SDC2: variants seen among roughly 807,000 people sequenced by gnomAD.
SDC2 encodes the protein syndecan 2.
In SDC2, 13 loss-of-function variants were observed where a neutral mutation model predicts 22.2. That is an observed-to-expected ratio of 0.59 (90% confidence interval 0.38 to 0.93). The LOEUF (loss-of-function observed/expected upper bound fraction) is 0.93, where lower values mean the gene tolerates loss of function less well. Ranked by LOEUF, SDC2 falls within the 40% of genes least tolerant of loss-of-function variation. SDC2 has a pLI of 0.00. For missense variants in SDC2, 235 were observed against 246.8 expected, an observed-to-expected ratio of 0.95 and a Z score of 0.32; for synonymous variants, 94 against 92.8, an observed-to-expected ratio of 1.01 and a Z score of -0.07.
chr8:96,601,640 C>CAAAAA (rs749025894), intron 2 of SDC2, among the ~76,000 whole-genome samples: 2 of 66,694 alleles, frequency 3.0e-5, no homozygotes, highest in East Asian at 3.8e-4. Flanking sequence ...ACTCCATCTC[C>CAAAAA]AAAAAAAAAA....
chr8:96,540,654 A>C (rs1397777618), intron 1 of SDC2, among the ~76,000 whole-genome samples: 1 of 152,092 alleles, frequency 6.6e-6, no homozygotes, highest in Non-Finnish European at 1.5e-5. Context: ...TCCTTTTTCA[A>C]ACTTCTGTGG....
intron 1 of SDC2, among the ~76,000 whole-genome samples, chr8:96,540,340 G>GTATATATATATATATATATATATATA (rs1554601718): frequency 3.3e-4 from 41 of 123,680 alleles, no homozygotes; most frequent in African/African-American, 7.4e-4. Context: ...ATATATATGT[G>GTATATATATATATATATATATATATA]TATATATATA....
At chr8:96,532,333 T>C (rs73273550) in intron 1 of SDC2, among the ~76,000 whole-genome samples, 10,387 of 149,970 alleles carry the variant, frequency 0.069, 1,194 homozygotes, top group African/African-American at 0.24. Context: ...AAATAGTCGC[T>C]GCCTAACTGA....
intron 1 of SDC2, among the ~76,000 whole-genome samples, chr8:96,544,611 T>G (rs1270869973): frequency 6.6e-6 from 1 of 152,146 alleles, no homozygotes; most frequent in African/African-American, 2.4e-5. Context: ...CTTTATTATA[T>G]TCCTCCCTAC....
intron 4 of SDC2, 128 bp from the exon 5 acceptor site, chr8:96,609,257 C>CTT: frequency 1.0e-5 from 7 of 694,052 alleles, no homozygotes; most frequent in Admixed American, 3.6e-5. Flanking sequence ...TTGAATCCAG[C>CTT]TTTTTTTTTA....
chr8:96,595,488 C>G (rs576218637), intron 2 of SDC2, among the ~76,000 whole-genome samples: 1 of 149,748 alleles, frequency 6.7e-6, no homozygotes, highest in African/African-American at 2.4e-5. Flanking sequence ...CTATAAATAT[C>G]TTTCACTCAT....
intron 2 of SDC2, among the ~76,000 whole-genome samples, chr8:96,601,345 G>C (rs984170315): frequency 1.3e-5 from 2 of 151,972 alleles, no homozygotes; most frequent in African/African-American, 4.8e-5. Context: ...AAATCTGCCT[G>C]TAAAACCAGG....
chr8:96,517,697 A>G (rs1813423281), intron 1 of SDC2, among the ~76,000 whole-genome samples: 2 of 150,436 alleles, frequency 1.3e-5, no homozygotes, highest in Admixed American at 6.6e-5. Context: ...TGTATGATTT[A>G]TATGAAGTAC....
intron 1 of SDC2, among the ~76,000 whole-genome samples, chr8:96,500,171 C>T (rs1023585409): frequency 1.2e-4 from 19 of 152,150 alleles, no homozygotes; most frequent in Non-Finnish European, 2.4e-4. Context: ...AACGTCTTGA[C>T]ACATCAGCTG....
intron 1 of SDC2, among the ~76,000 whole-genome samples, chr8:96,591,026 T>C (rs985353845): frequency 6.6e-6 from 1 of 152,172 alleles, no homozygotes; most frequent in Admixed American, 6.5e-5. Context: ...CTTGTCAGAC[T>C]GCCAGTGTGG....
chr8:96,494,298 C>T lies in SDC2; in HGVS notation c.27C>T (p.Thr9=), dbSNP rs765066494. The change falls in exon 1 of 5, where the codon ACC becomes ACT. Residue 9 remains threonine, a synonymous_variant. Coordinates refer to ENST00000302190, the MANE Select transcript of SDC2 (RefSeq NM_002998.4). ...TGCGGCGCGCGTGGATCCTGCTCACCTTGGGCTTGGTGGCCTGCGTGTCGG... is the reference window on the plus strand; with the variant it reads ...TGCGGCGCGCGTGGATCCTGCTCACTTTGGGCTTGGTGGCCTGCGTGTCGG... MRRAWILL[T]LGLVACVSAE... 6.5e-6 allele frequency: 10 copies of T among 1,547,006 alleles called. No individual in the cohort carries two copies. Among genetic ancestry groups the T allele is most frequent in the East Asian group, 2.4e-5 (1 of 41,328 alleles).
chr8:96,570,041 C>T (rs561021347), intron 1 of SDC2, among the ~76,000 whole-genome samples: 1 of 152,358 alleles, frequency 6.6e-6, no homozygotes, highest in Non-Finnish European at 1.5e-5. Flanking sequence ...ACGCAGGATG[C>T]TAAGTGCTAG....
At chr8:96,576,737 C>T (rs1814511890) in intron 1 of SDC2, among the ~76,000 whole-genome samples, 2 of 151,794 alleles carry the variant, frequency 1.3e-5, no homozygotes, top group Admixed American at 6.6e-5. Flanking sequence ...TTATATACAG[C>T]TTTTTTTTGT....
chr8:96,511,640 C>G (rs1431926135), intron 1 of SDC2, among the ~76,000 whole-genome samples: 1 of 152,140 alleles, frequency 6.6e-6, no homozygotes, highest in Non-Finnish European at 1.5e-5. Flanking sequence ...GTGAAGGACC[C>G]AGGACCATTT....
chr8:96,559,780 T>C (rs1814177888), intron 1 of SDC2, among the ~76,000 whole-genome samples: 2 of 152,222 alleles, frequency 1.3e-5, no homozygotes, highest in African/African-American at 4.8e-5. Flanking sequence ...AAGTGTGGAA[T>C]CCATCCAGGA....
chr8:96,521,823 A>T (rs1162040316), intron 1 of SDC2, among the ~76,000 whole-genome samples: 1 of 152,186 alleles, frequency 6.6e-6, no homozygotes, highest in African/African-American at 2.4e-5. Flanking sequence ...CTTTTTGCTC[A>T]ATTAAAAGAT....
intron 1 of SDC2, among the ~76,000 whole-genome samples, chr8:96,550,597 T>C (rs1814011235): frequency 6.6e-6 from 1 of 152,142 alleles, no homozygotes; most frequent in South Asian, 2.1e-4. Context: ...AGCATGTCCA[T>C]TGACTTGAGC....
At chr8:96,570,478 A>G (rs892603091) in intron 1 of SDC2, among the ~76,000 whole-genome samples, 1 of 152,236 alleles carries the variant, frequency 6.6e-6, no homozygotes. Flanking sequence ...CCCTTGGGGA[A>G]CTCATACTCT....
chr8:96,535,223 G>T lies in SDC2; in HGVS notation c.60+40892G>T, dbSNP rs568529667. On this transcript the variant is annotated intron_variant, in intron 1 of 4. Coordinates refer to ENST00000302190, the MANE Select transcript of SDC2 (RefSeq NM_002998.4). ...GGGGTTTCACCATGTTGGCCAGGCT[G>T]GTCTTAGACTTCTGACATCATGATT... Among the ~76,000 whole-genome samples the T allele has an allele frequency of 7.9e-5, 12 of 152,212 alleles. No homozygotes were observed. The South Asian group carries it at 1.0e-3, about 13-fold the overall frequency.
Sources: allele counts gnomAD v4.1 joint callset (sites outside exome capture counted in the v4.1 genomes callset), GRCh38; gene constraint gnomAD v4.1.1; transcripts MANE v1.5; gene names NCBI Gene and HGNC (gene_info 2026-07-23, HGNC 2026-07-21).